PKP4: variants seen among roughly 807,000 people sequenced by gnomAD.
PKP4 encodes plakophilin-4.
Under a neutral mutation model 145.1 loss-of-function variants are expected in PKP4, and 90 were observed. The ratio of observed to expected loss-of-function variants is 0.62; its 90% CI spans 0.52 to 0.74. The LOEUF (loss-of-function observed/expected upper bound fraction) is 0.74. PKP4 is among the 30% of genes least tolerant of loss of function. The pLI is 0.00. For synonymous variants in PKP4, 563 were observed against 577.2 expected (o/e 0.98, Z 0.35); for missense variants, 1,340 against 1,482.7 (o/e 0.90, Z 1.58).
chr2:158,657,351 T>C (rs1466974208), intron 11 of PKP4, among the ~76,000 whole-genome samples: 8 of 152,214 alleles, frequency 5.3e-5, no homozygotes, highest in African/African-American at 1.9e-4. Context: ...TCTAATATCA[T>C]TAAACAGAAC....
intron 4 of PKP4, among the ~76,000 whole-genome samples, chr2:158,604,271 G>T (rs532394412): frequency 6.6e-6 from 1 of 152,096 alleles, no homozygotes; most frequent in African/African-American, 2.4e-5. Flanking sequence ...CAAGTGTCAC[G>T]GGAAGGGAAC....
chr2:158,546,680 A>C (rs2045074639), intron 2 of PKP4, among the ~76,000 whole-genome samples: 1 of 152,150 alleles, frequency 6.6e-6, no homozygotes, highest in Non-Finnish European at 1.5e-5. Context: ...GCATAGAAAA[A>C]CAGCATGGGA....
At chr2:158,590,161 A>T (rs1449072325) in intron 3 of PKP4, among the ~76,000 whole-genome samples, 1 of 152,158 alleles carries the variant, frequency 6.6e-6, no homozygotes, top group Non-Finnish European at 1.5e-5. Context: ...AAATAGGAGA[A>T]AAACACTCTA....
At chr2:158,648,395 T>G (rs1185977565) in intron 11 of PKP4, among the ~76,000 whole-genome samples, 1 of 152,136 alleles carries the variant, frequency 6.6e-6, no homozygotes, top group Non-Finnish European at 1.5e-5. Flanking sequence ...CAGGCTAAGG[T>G]TTAACAAAGG....
Position 158,625,276 on chromosome 2 carries a change from G to A in PKP4, c.1002G>A (p.Gly334=). The A allele has an allele frequency of 6.8e-6, 11 of 1,614,208 alleles. No homozygotes were observed. Among genetic ancestry groups the A allele is most frequent in the Non-Finnish European group, 9.3e-6 (11 of 1,180,026 alleles). The change falls in exon 7 of 22, where the codon GGG becomes GGA. Residue 334 remains glycine (G), a synonymous_variant. Transcript: ENST00000389759. ...CTTCCCCATCCCAAGGCCAGGTGGGGTCGTCGTCCCCCAAACGCTCAGGGA... is the reference window on the plus strand; with the variant it reads ...CTTCCCCATCCCAAGGCCAGGTGGGATCGTCGTCCCCCAAACGCTCAGGGA... ...RVASPSQGQV[G]SSSPKRSGMT...
chr2:158,493,664 T>G (rs1326251045), intron 1 of PKP4, among the ~76,000 whole-genome samples: 1 of 152,194 alleles, frequency 6.6e-6, no homozygotes, highest in African/African-American at 2.4e-5. Context: ...TTTGAGAAGG[T>G]CTCAAGAGGC....
In PKP4 at chr2:158,632,019, C is replaced by T. The variant is rs991390410; in HGVS notation, c.1342+78C>T. 6.1e-6 allele frequency: 8 copies of T among 1,318,864 alleles called. No homozygotes were observed. The African/African-American group carries it at 1.0e-4, about 17-fold the overall frequency. 81.7% of individuals were successfully genotyped at this position (1,318,864 alleles called of 1,614,324 possible). On this transcript the variant is annotated intron_variant, in intron 8 of 21. Transcript: ENST00000389759. Reference sequence around the variant, plus strand: ...AAGTGTTTTATTGAGATTGGGTTCCCTGTTAGAAGGAAATCATGTTGCCCA... The same window carrying T: ...AAGTGTTTTATTGAGATTGGGTTCCTTGTTAGAAGGAAATCATGTTGCCCA...
At chr2:158,534,160 G>A (rs2043830745) in intron 2 of PKP4, among the ~76,000 whole-genome samples, 1 of 151,904 alleles carries the variant, frequency 6.6e-6, no homozygotes, top group Admixed American at 6.6e-5. Flanking sequence ...AGGTAATGTT[G>A]TATTTGCTGG....
chr2:158,578,047 C>T (rs1203619183), intron 3 of PKP4: 1 of 165,512 alleles, frequency 6.0e-6, no homozygotes. Flanking sequence ...TTCTGTAAAG[C>T]CTACTGTAAA....
At chr2:158,571,224 A>C (rs979118848) in intron 2 of PKP4, among the ~76,000 whole-genome samples, 2 of 152,220 alleles carry the variant, frequency 1.3e-5, no homozygotes, top group Admixed American at 1.3e-4. Flanking sequence ...GCAAATTGAC[A>C]ACTGAGCTAG....
At chr2:158,632,057 A>G (rs774690833) in intron 8 of PKP4, 116 bp downstream of exon 8, 2 of 865,966 alleles carry the variant, frequency 2.3e-6, no homozygotes, top group Non-Finnish European at 1.8e-6. Context: ...TGGTTGTCAG[A>G]TAAGCAGCTG....
chr2:158,499,182 T>A (rs928433855), intron 1 of PKP4, among the ~76,000 whole-genome samples: 1 of 152,178 alleles, frequency 6.6e-6, no homozygotes, highest in Non-Finnish European at 1.5e-5. Context: ...TTGGTGAAGA[T>A]TAATGTTAAA....
At chr2:158,637,512 T>A (rs535537758) in intron 9 of PKP4, among the ~76,000 whole-genome samples, 6 of 152,166 alleles carry the variant, frequency 3.9e-5, no homozygotes, top group South Asian at 4.1e-4. Context: ...CTAACCACTT[T>A]GGCACCCACA....
At chr2:158,549,508 C>T (rs1323444372) in intron 2 of PKP4, among the ~76,000 whole-genome samples, 9 of 152,120 alleles carry the variant, frequency 5.9e-5, no homozygotes, top group Non-Finnish European at 4.4e-5. Context: ...ACCGCCACCC[C>T]TAGATTTAGA....
chr2:158,644,130 G>C (rs1460113655), intron 11 of PKP4, among the ~76,000 whole-genome samples: 2 of 152,202 alleles, frequency 1.3e-5, no homozygotes, highest in African/African-American at 4.8e-5. Flanking sequence ...CTGGGGTATG[G>C]CATGGCCAGT....
At chr2:158,595,553 T>A (rs1481016359) in intron 3 of PKP4, among the ~76,000 whole-genome samples, 1 of 152,190 alleles carries the variant, frequency 6.6e-6, no homozygotes, top group African/African-American at 2.4e-5. Context: ...ATTTTACAAA[T>A]GCATTAAGAG....
rs112367194 is a variant in PKP4 at position 158,621,750 on chromosome 2, C to CA, written c.603+343dup. 5.1e-3 allele frequency among the ~76,000 whole-genome samples: 331 copies of CA among 64,452 alleles called. 1 individual carries two copies. Among genetic ancestry groups the CA allele is most frequent in the East Asian group, 0.013 (32 of 2,540 alleles). The allele number at this position is 64,452 out of a possible 152,430, so 42.3% of individuals were successfully genotyped here. On this transcript the variant is annotated intron_variant, in intron 6 of 21. Coordinates refer to ENST00000389759, the MANE Select transcript of PKP4 (RefSeq NM_003628.6). ...GACAGAGCGAGACTCCGTCTCAAAA[C>CA]AAAAAAAAAAAAAAGGAAAAAAAAA...
At chr2:158,480,346 C>G (rs969369284) in intron 1 of PKP4, among the ~76,000 whole-genome samples, 3 of 152,264 alleles carry the variant, frequency 2.0e-5, no homozygotes, top group Middle Eastern at 6.8e-3. Context: ...AAGTGATTCT[C>G]CTGCCATAGC....
At chr2:158,544,659 C>T (rs1462161621) in intron 2 of PKP4, among the ~76,000 whole-genome samples, 1 of 152,120 alleles carries the variant, frequency 6.6e-6, no homozygotes. Flanking sequence ...ATTGAACATC[C>T]CACCAGGAGC....
Sources: allele counts gnomAD v4.1 joint callset (sites outside exome capture counted in the v4.1 genomes callset), GRCh38; gene constraint gnomAD v4.1.1; transcripts MANE v1.5; gene names NCBI Gene and HGNC (gene_info 2026-07-23, HGNC 2026-07-21).